The following ZNF536 variants were observed in gnomAD, a reference collection of about 807,000 sequenced individuals.
The protein encoded by ZNF536 is zinc finger protein 536.
ZNF536 carries 13 observed loss-of-function variants against 84.5 expected under a neutral mutation model. That is an observed-to-expected ratio of 0.15 (90% confidence interval 0.10 to 0.24). The LOEUF is 0.24. Ranked by LOEUF, ZNF536 falls within the 10% of genes least tolerant of loss-of-function variation. The pLI is 1.00. For missense variants in ZNF536, 1,536 were observed against 1,747.5 expected (o/e 0.88, Z 2.16); for synonymous variants, 811 against 742.5 (o/e 1.09, Z -1.50).
chr19:30,702,163 G>A (rs1055724771), intron 1 of ZNF536, among the ~76,000 whole-genome samples: 1 of 152,158 alleles, frequency 6.6e-6, no homozygotes, highest in Admixed American at 6.5e-5. Context: ...CCTTAGGTGC[G>A]GCGAAAGAGC....
intron 1 of ZNF536, among the ~76,000 whole-genome samples, chr19:30,424,603 A>T (rs2051131064): frequency 1.3e-5 from 2 of 151,894 alleles, no homozygotes; most frequent in South Asian, 4.1e-4. Flanking sequence ...GGAGGGGATG[A>T]GGAGGGGAGG....
At chr19:30,341,777 C>G (rs2047573113) in intron 2 of ZNF536, among the ~76,000 whole-genome samples, 1 of 151,756 alleles carries the variant, frequency 6.6e-6, no homozygotes, top group Admixed American at 6.6e-5. Flanking sequence ...TCTAAGTGCT[C>G]TAAAGGAAAG....
At chr19:30,254,096 C>G (rs936724240) in intron 1 of ZNF536, among the ~76,000 whole-genome samples, 1 of 152,070 alleles carries the variant, frequency 6.6e-6, no homozygotes, top group East Asian at 1.9e-4. Context: ...GCACTTTAGC[C>G]GGGCTGAAAC....
At chr19:30,279,527 A>G (rs2045360696) in intron 1 of ZNF536, among the ~76,000 whole-genome samples, 1 of 152,182 alleles carries the variant, frequency 6.6e-6, no homozygotes, top group Non-Finnish European at 1.5e-5. Context: ...CTTGGAGAAA[A>G]CTTCCAGATC....
At chr19:30,508,816 CTTTCTTTTTTTT>C (rs1254011240) in intron 2 of ZNF536, among the ~76,000 whole-genome samples, 2 of 113,988 alleles carry the variant, frequency 1.8e-5, no homozygotes, top group Non-Finnish European at 3.7e-5. Flanking sequence ...TTCTTTCTTT[CTTTCTTTTTTTT>C]TTTTTTTTTT....
Position 30,374,985 on chromosome 19 carries a change from T to C in ZNF536, c.-3+2429T>C, listed in dbSNP as rs530033180. On this transcript the variant is annotated intron_variant, in intron 1 of 4. Coordinates refer to ENST00000355537, the MANE Select transcript of ZNF536 (RefSeq NM_014717.3). The stretch of plus-strand genomic sequence containing the variant: ...TTGGTTCCAGGAGGAGCGAAGCGCC[T>C]GGAGATCGGGCGCGCGGGCGCGGCT... Among the ~76,000 whole-genome samples the C allele has an allele frequency of 3.0e-4, 45 of 151,892 alleles. No homozygotes were observed. The East Asian group carries it at 8.0e-3, about 27-fold the overall frequency.
At position 30,445,324 on chromosome 19, in the gene ZNF536, G is replaced by A. The variant is rs757114293; in HGVS notation, c.1762G>A (p.Val588Met). 1.6e-5 allele frequency: 26 copies of A among 1,614,226 alleles called. No individual in the cohort carries two copies. Among genetic ancestry groups the A allele is most frequent in the South Asian group, 1.3e-4 (12 of 91,088 alleles). Residue 588 changes from valine to methionine, a missense_variant, in exon 2 of 5, where the codon GTG (valine) becomes ATG (methionine). Transcript: ENST00000355537. This position sits in a 1 kb window ranked among gnomAD's most constrained non-coding sequence, Gnocchi z 4.5. Reference sequence around the variant, plus strand: ...TGCTGATTTGGTTCACAGCACTAAAGTGGGCAGCCAGAGAGACCTGCCAAG... The same window carrying A: ...TGCTGATTTGGTTCACAGCACTAAAATGGGCAGCCAGAGAGACCTGCCAAG... The part of the protein sequence containing the change: ...MPADLVHSTK[V>M]GSQRDLPSKL...
chr19:30,708,730 C>T (rs2052346696), intron 1 of ZNF536, among the ~76,000 whole-genome samples: 1 of 152,182 alleles, frequency 6.6e-6, no homozygotes, highest in African/African-American at 2.4e-5. Flanking sequence ...ACTCCAGAAG[C>T]CCAACAAGAA....
intron 2 of ZNF536, among the ~76,000 whole-genome samples, chr19:30,307,089 T>C (rs1203735398): frequency 6.6e-6 from 1 of 152,138 alleles, no homozygotes; most frequent in East Asian, 1.9e-4. Flanking sequence ...TTTATTACAG[T>C]GGATGCTTTA....
At chr19:30,317,514 G>T (rs1332974748) in intron 2 of ZNF536, among the ~76,000 whole-genome samples, 2 of 152,212 alleles carry the variant, frequency 1.3e-5, no homozygotes, top group African/African-American at 4.8e-5. Context: ...AGGAGTGGGT[G>T]CCTCTGTTTT....
chr19:30,300,766 A>G (rs1272433431), intron 2 of ZNF536: 2 of 152,208 alleles, frequency 1.3e-5, no homozygotes, highest in East Asian at 3.9e-4. Context: ...TGCCGAAGAA[A>G]TACCCCAGGT....
chr19:30,242,158 A>C (rs1358756314), intron 1 of ZNF536, among the ~76,000 whole-genome samples: 2 of 152,062 alleles, frequency 1.3e-5, no homozygotes, highest in Admixed American at 6.5e-5. Context: ...CTTCCTTCCA[A>C]GTGGCCCTTC....
At chr19:30,575,119 T>G (rs1401411677) in intron 1 of ZNF536, among the ~76,000 whole-genome samples, 1 of 152,092 alleles carries the variant, frequency 6.6e-6, no homozygotes, top group Non-Finnish European at 1.5e-5. Flanking sequence ...TGCAGCAGAA[T>G]TTATCCATTC....
At chr19:30,552,729 C>G (rs1331107811) in intron 4 of ZNF536, among the ~76,000 whole-genome samples, 1 of 152,192 alleles carries the variant, frequency 6.6e-6, no homozygotes, top group African/African-American at 2.4e-5. Context: ...ATTCCTAACT[C>G]TGGTGCAGAA....
chr19:30,506,353 GAAAC>G (rs1444842908), intron 2 of ZNF536, among the ~76,000 whole-genome samples: 2 of 152,132 alleles, frequency 1.3e-5, no homozygotes, highest in East Asian at 1.9e-4. Flanking sequence ...GATTCTTGAA[GAAAC>G]AAACAAACAA....
chr19:30,408,620 G>T (rs1229697557), intron 1 of ZNF536, among the ~76,000 whole-genome samples: 1 of 152,108 alleles, frequency 6.6e-6, no homozygotes, highest in Non-Finnish European at 1.5e-5. Context: ...GTGGAAGAAG[G>T]GTATCAAGGT....
At chr19:30,424,517 A>C (rs1006934957) in intron 1 of ZNF536, among the ~76,000 whole-genome samples, 1 of 152,120 alleles carries the variant, frequency 6.6e-6, no homozygotes, top group Non-Finnish European at 1.5e-5. Context: ...TAACAGGGGA[A>C]TCTCTGGGTT....
rs1400504740 is a variant in ZNF536, at chr19:30,445,296, G to A, written c.1734G>A (p.Met578Ile). The change falls in exon 2 of 5, where the codon ATG (methionine) becomes ATA (isoleucine). Residue 578 changes from methionine (M) to isoleucine (I), a missense_variant. Physicochemically the swap from Met to Ile is conservative, Grantham distance 10. This residue lies in a region of ZNF536 where 366 missense variants were observed against 364.4 expected (regional missense o/e 1.00). Coordinates refer to ENST00000355537, the MANE Select transcript of ZNF536 (RefSeq NM_014717.3). The surrounding 1 kb of genome is among the most constrained non-coding windows in gnomAD (Gnocchi z 4.5). ...GAGCAGATGGCTCCAAGCAGAAAAT[G>A]CCTGCTGATTTGGTTCACAGCACTA... is the stretch of plus-strand genomic sequence containing the variant. ...LVGADGSKQK[M>I]PADLVHSTKV... 6.2e-7 allele frequency: 1 copy of A among 1,614,204 alleles called. No homozygotes were observed. The highest frequency in any genetic ancestry group is 8.5e-7 in the Non-Finnish European group (1 of 1,180,046).
chr19:30,360,204 A>G (rs1028148940), intron 3 of ZNF536, among the ~76,000 whole-genome samples: 3 of 152,218 alleles, frequency 2.0e-5, no homozygotes, highest in Non-Finnish European at 4.4e-5. Context: ...GTGCTTGGGA[A>G]GGGGTCGGCT....
Sources: gnomAD v4.1 joint callset for allele counts (sites outside exome capture counted in the v4.1 genomes callset) on GRCh38, gnomAD v4.1.1 for gene constraint, gnomAD v4.1.1 regional missense constraint, Gnocchi (gnomAD v3.1) non-coding constraint, MANE v1.5 for transcripts, NCBI Gene and HGNC (gene_info 2026-07-23, HGNC 2026-07-21) for gene names.